Variants in MARCHF5 observed in about 807,000 individuals in gnomAD.
The protein encoded by MARCHF5 is E3 ubiquitin-protein ligase MARCHF5.
Under a neutral mutation model 36.5 loss-of-function variants are expected in MARCHF5, and 5 were observed. The ratio of observed to expected loss-of-function variants is 0.14; its 90% confidence interval spans 0.07 to 0.29. The LOEUF (loss-of-function observed/expected upper bound fraction) is 0.29, where lower values mean the gene tolerates loss of function less well. Ranked by LOEUF, MARCHF5 falls within the 10% of genes least tolerant of loss-of-function variation. The pLI is 1.00. For missense variants in MARCHF5, 179 were observed against 336.3 expected (o/e 0.53, Z 3.66); for synonymous variants, 103 against 109.9 (o/e 0.94, Z 0.39).
At chr10:92,308,288 G>C (rs1773265041) in intron 1 of MARCHF5, among the ~76,000 whole-genome samples, 1 of 152,100 alleles carries the variant, frequency 6.6e-6, no homozygotes, top group Non-Finnish European at 1.5e-5. Flanking sequence ...TGACGTTGCC[G>C]TGGCATTTGT....
At chr10:92,307,723 A>G (rs1843092642) in intron 1 of MARCHF5, among the ~76,000 whole-genome samples, 1 of 151,862 alleles carries the variant, frequency 6.6e-6, no homozygotes, top group African/African-American at 2.4e-5. Context: ...AAAAATACAA[A>G]AACTAGCTGG....
chr10:92,312,914 G>A (rs1200662984), intron 2 of MARCHF5, among the ~76,000 whole-genome samples: 2 of 152,202 alleles, frequency 1.3e-5, no homozygotes, highest in East Asian at 1.9e-4. Flanking sequence ...AATTGAATAT[G>A]GTTTTAAGTC....
chr10:92,325,209 G>T (rs556818784), intron 2 of MARCHF5, among the ~76,000 whole-genome samples: 27 of 152,296 alleles, frequency 1.8e-4, no homozygotes, highest in African/African-American at 6.5e-4. Flanking sequence ...AGGCATGGTG[G>T]CACATGCCTG....
Position 92,314,754 on chromosome 10 carries a change from C to T in MARCHF5, c.238+3417C>T, listed in dbSNP as rs551909181. On this transcript the variant is annotated intron_variant, in intron 2 of 5. Transcript: ENST00000358935. Reference sequence around the variant, plus strand: ...GCTGCTGCTGCTTCCCCCCGCCCCCCCCCGCCAATAGAGGTTGGGTCTTGC... The same window carrying T: ...GCTGCTGCTGCTTCCCCCCGCCCCCTCCCGCCAATAGAGGTTGGGTCTTGC... 8.9e-5 allele frequency among the ~76,000 whole-genome samples: 12 copies of T among 135,200 alleles called. 1 individual carries two copies. Among genetic ancestry groups the T allele is most frequent in the African/African-American group, 1.5e-4 (5 of 32,482 alleles). The allele number at this position is 135,200 out of a possible 152,430, so 88.7% of individuals were successfully genotyped here.
chr10:92,322,429 TC>T (rs1341641915), intron 2 of MARCHF5, among the ~76,000 whole-genome samples: 23 of 149,072 alleles, frequency 1.5e-4, no homozygotes, highest in Middle Eastern at 3.4e-3. Context: ...TTGGGATCTT[TC>T]TTTTTGTCCT....
At chr10:92,340,826 T>C in intron 3 of MARCHF5, 23 bp downstream of exon 3, 1 of 1,557,370 alleles carries the variant, frequency 6.4e-7, no homozygotes, top group Non-Finnish European at 8.7e-7. Context: ...ACCTATATAG[T>C]GATATTACTT....
chr10:92,294,311 C>A (rs57575042), intron 1 of MARCHF5, among the ~76,000 whole-genome samples: 3 of 152,272 alleles, frequency 2.0e-5, no homozygotes, highest in African/African-American at 4.8e-5. Flanking sequence ...AAAATGAGAA[C>A]CCTACTTCAC....
intron 1 of MARCHF5, among the ~76,000 whole-genome samples, chr10:92,291,828 TCCCCTCCCCCTTC>T (rs199814124): frequency 0.015 from 2,237 of 152,074 alleles, 56 homozygotes; most frequent in African/African-American, 0.05. Context: ...CTTACCCTCT[TCCCCTCCCCCTTC>T]CCCCTCCCCA....
rs1261668022 is a variant in MARCHF5, at chr10:92,309,598, A to G, written c.36-1537A>G. Among the ~76,000 whole-genome samples, 4 of 152,238 alleles carry G rather than the reference A, an allele frequency of 2.6e-5. No individual in the cohort carries two copies. In the East Asian group the frequency reaches 5.8e-4, roughly 22 times the overall value. On this transcript the variant is annotated intron_variant, in intron 1 of 5. Transcript: ENST00000358935. ...CCTAGATGTATACAAATATGTCCAC[A>G]AAATTACCTCAGTTGTGGGGAAAAA...
chr10:92,299,070 C>T (rs1842981618), intron 1 of MARCHF5, among the ~76,000 whole-genome samples: 1 of 152,030 alleles, frequency 6.6e-6, no homozygotes. Flanking sequence ...ACCAATCCTA[C>T]CTTGGCCTCC....
At chr10:92,349,601 T>A (rs1159730903) in intron 4 of MARCHF5, 69 bp downstream of exon 4, 13 of 1,594,488 alleles carry the variant, frequency 8.2e-6, no homozygotes, top group Non-Finnish European at 1.0e-5. Flanking sequence ...CATGCTTTTT[T>A]AGCCATGTTT....
chr10:92,300,195 T>A (rs917513294), intron 1 of MARCHF5, among the ~76,000 whole-genome samples: 3 of 148,394 alleles, frequency 2.0e-5, no homozygotes, highest in Non-Finnish European at 3.0e-5. Flanking sequence ...GAAAAAAAGA[T>A]CTGGCCGGGC....
chr10:92,331,548 C>A (rs1843436053), intron 2 of MARCHF5, among the ~76,000 whole-genome samples: 1 of 151,688 alleles, frequency 6.6e-6, no homozygotes, highest in Non-Finnish European at 1.5e-5. Context: ...TTGTTTGTCC[C>A]TAACTAGATT....
Position 92,311,451 on chromosome 10 carries a change from C to T in MARCHF5, c.238+114C>T, listed in dbSNP as rs188627033. On this transcript the variant is annotated intron_variant, in intron 2 of 5. Coordinates refer to ENST00000358935, the MANE Select transcript of MARCHF5 (RefSeq NM_017824.5). The stretch of plus-strand genomic sequence containing the variant: ...TTTTAGGGTGTGAATTTCTATATTC[C>T]CTTTCTCTTGTTTCCTCTCTGAATG... 1.4e-3 allele frequency: 944 copies of T among 691,896 alleles called. 7 individuals carry two copies. In the African/African-American group the frequency reaches 0.015, roughly 11 times the overall value. 42.9% of individuals were successfully genotyped at this position (691,896 alleles called of 1,614,324 possible).
At chr10:92,338,504 T>C (rs1291353457) in intron 2 of MARCHF5, among the ~76,000 whole-genome samples, 1 of 152,346 alleles carries the variant, frequency 6.6e-6, no homozygotes, top group African/African-American at 2.4e-5. Flanking sequence ...ATTAGACTTA[T>C]TTCATCTCTC....
intron 2 of MARCHF5, 77 bp from the exon 3 acceptor site, chr10:92,340,596 T>G: frequency 7.3e-7 from 1 of 1,364,184 alleles, no homozygotes. Context: ...GTATTTTAGA[T>G]CTATAGAAAA....
At chr10:92,327,613 A>G (rs962440385) in intron 2 of MARCHF5, among the ~76,000 whole-genome samples, 2 of 152,236 alleles carry the variant, frequency 1.3e-5, no homozygotes, top group South Asian at 2.1e-4. Context: ...GATTACACCC[A>G]TTTAATCTCC....
chr10:92,293,135 T>G (rs541389706), intron 1 of MARCHF5, among the ~76,000 whole-genome samples: 1 of 152,112 alleles, frequency 6.6e-6, no homozygotes, highest in South Asian at 2.1e-4. Context: ...TTGCCCAGAC[T>G]GGAATGCAGT....
intron 2 of MARCHF5, among the ~76,000 whole-genome samples, chr10:92,315,929 G>T (rs1267646828): frequency 6.6e-6 from 1 of 152,114 alleles, no homozygotes; most frequent in Non-Finnish European, 1.5e-5. Context: ...AACCTAAAAG[G>T]ATTTCTGTGA....
Sources: gnomAD v4.1 joint callset for allele counts (sites outside exome capture counted in the v4.1 genomes callset) on GRCh38, gnomAD v4.1.1 for gene constraint, MANE v1.5 for transcripts, NCBI Gene and HGNC (gene_info 2026-07-23, HGNC 2026-07-21) for gene names.